Variants in MYO7B observed in about 807,000 individuals in gnomAD.
MYO7B encodes unconventional myosin-VIIb.
In MYO7B, 212 loss-of-function variants were observed where a neutral mutation model predicts 259.7. The ratio of observed to expected loss-of-function variants is 0.82; its 90% CI spans 0.73 to 0.91. The LOEUF (loss-of-function observed/expected upper bound fraction) is 0.91, where lower values mean the gene tolerates loss of function less well. Among genes scored for constraint, MYO7B ranks in the 40% least tolerant of loss-of-function variants. The probability of loss-of-function intolerance (pLI) is 0.00; values close to 1 mark genes in which losing one functional copy is unlikely to be tolerated. For missense variants in MYO7B, 2,732 were observed against 2,813.5 expected (o/e 0.97, Z 0.66); for synonymous variants, 1,197 against 1,166.4 (o/e 1.03, Z -0.54).
intron 1 of MYO7B, among the ~76,000 whole-genome samples, chr2:127,551,184 C>A (rs1167772062): frequency 6.6e-6 from 1 of 152,238 alleles, no homozygotes. Context: ...CCAGGCATCT[C>A]TCCTTGGCTT....
chr2:127,612,475 G>T lies in MYO7B; in HGVS notation c.3271-1G>T, dbSNP rs539395069. 2 of 1,552,888 alleles carry T rather than the reference G, an allele frequency of 1.3e-6. No homozygotes were observed. Among genetic ancestry groups the T allele is most frequent in the African/African-American group, 2.7e-5 (2 of 73,220 alleles). On this transcript the variant is annotated splice_acceptor_variant, in intron 25 of 47. Transcript: ENST00000409816. LOFTEE classifies it high-confidence loss of function. ...CCTGATGGCTGCCTTTGGGTTTCAA[G>T]GTGGCCAGCCAGCTGAACATTGGAG...
chr2:127,554,118 A>C lies in MYO7B; in HGVS notation c.-23-5582A>C, dbSNP rs564602371. ...AGACGGAGTTTCATTCTTGTTGCCC[A>C]GGCTGGAGTGCAATGGTGCAATCTC... On this transcript the variant is annotated intron_variant, in intron 1 of 47. Coordinates refer to ENST00000409816, the MANE Select transcript of MYO7B (RefSeq NM_001393586.1). Among the ~76,000 whole-genome samples the C allele has an allele frequency of 2.2e-4, 33 of 152,268 alleles. No individual in the cohort carries two copies. The East Asian group carries it at 6.2e-3, about 28-fold the overall frequency.
chr2:127,624,933 CA>C (rs1681031547), intron 30 of MYO7B, among the ~76,000 whole-genome samples: 1 of 152,190 alleles, frequency 6.6e-6, no homozygotes, highest in African/African-American at 2.4e-5. Flanking sequence ...GAGGCATGGG[CA>C]GGGGGTGGCA....
Position 127,584,096 on chromosome 2 carries a change from C to G in MYO7B, c.1344-26C>G, listed in dbSNP as rs756975809. On this transcript the variant is annotated intron_variant, in intron 12 of 47. Transcript: ENST00000409816. The surrounding 1 kb of genome is among the most constrained non-coding windows in gnomAD (Gnocchi z 5.8). ...GGGACTCAGCTGGCCCCACTCCACC[C>G]CTGGGCAGTGACCTTGCCTCCACAG... The G allele has an allele frequency of 5.9e-5, 95 of 1,599,354 alleles. No homozygotes were observed. The Middle Eastern group carries it at 1.5e-3, about 25-fold the overall frequency.
chr2:127,636,104 C>T lies in MYO7B; in HGVS notation c.6007-104C>T, dbSNP rs1681787187. ...CTGTCCCATGCTGCATTCCTCCCCT[C>T]CCCTCCCCACCGTACTAGCCCTGGG... is the stretch of plus-strand genomic sequence containing the variant. On this transcript the variant is annotated intron_variant, in intron 44 of 47. Coordinates refer to ENST00000409816, the MANE Select transcript of MYO7B (RefSeq NM_001393586.1). The surrounding 1 kb of genome is among the most constrained non-coding windows in gnomAD (Gnocchi z 4.5). 3.6e-6 allele frequency: 4 copies of T among 1,123,368 alleles called. No homozygotes were observed. The highest frequency in any genetic ancestry group is 3.9e-6 in the Non-Finnish European group (3 of 771,638). The allele number at this position is 1,123,368 out of a possible 1,614,324, so 69.6% of individuals were successfully genotyped here.
rs1573643370 is a variant in MYO7B, at chr2:127,576,775, A to C, written c.849+67A>C. On this transcript the variant is annotated intron_variant, in intron 8 of 47. Transcript: ENST00000409816. The surrounding 1 kb of genome is among the most constrained non-coding windows in gnomAD (Gnocchi z 4.9). ...GAGGAAAAAGAGCTTGTGCCGCTCC[A>C]CCCTCCGCGACAGCTGCAGAGAAGC... 1 of 1,148,028 alleles carries C rather than the reference A, an allele frequency of 8.7e-7. No homozygotes were observed. The highest frequency in any genetic ancestry group is 2.5e-5 in the East Asian group (1 of 39,930). The allele number at this position is 1,148,028 out of a possible 1,614,324, so 71.1% of individuals were successfully genotyped here. A position where few individuals can be genotyped will look rare whatever the true frequency, so the allele number is the denominator to read the frequency against.
intron 19 of MYO7B, among the ~76,000 whole-genome samples, chr2:127,604,720 A>G (rs1331719296): frequency 3.9e-5 from 6 of 152,176 alleles, no homozygotes; most frequent in Non-Finnish European, 8.8e-5. Flanking sequence ...GCCTAATTTT[A>G]GTATCGCTGT....
In MYO7B at chr2:127,576,042, T is replaced by C. The variant is rs1443325672; in HGVS notation, c.736-553T>C. Among the ~76,000 whole-genome samples the C allele has an allele frequency of 5.9e-5, 9 of 152,102 alleles. No homozygotes were observed. The highest frequency in any genetic ancestry group is 5.9e-4 in the Admixed American group (9 of 15,262). On this transcript the variant is annotated intron_variant, in intron 7 of 47. Coordinates refer to ENST00000409816, the MANE Select transcript of MYO7B (RefSeq NM_001393586.1). This position sits in a 1 kb window ranked among gnomAD's most constrained non-coding sequence, Gnocchi z 4.9. ...GGCAAAACCCCATCTCTACAAAAAA[T>C]ACAAAACTTAGCCGGACGTGGTGGT...
rs1407392182 is a variant in MYO7B, at chr2:127,629,642, C to T, written c.4625-3C>T. 3 of 1,611,306 alleles carry T rather than the reference C, an allele frequency of 1.9e-6. No homozygotes were observed. Among genetic ancestry groups the T allele is most frequent in the African/African-American group, 1.3e-5 (1 of 74,874 alleles). ...TCAGCAAATAGCCTCCCTGCCCTTA[C>T]AGATGACACCACCCTCCTGGCCTTC... On this transcript the variant is annotated splice_polypyrimidine_tract_variant and splice_region_variant and intron_variant, in intron 34 of 47. Transcript: ENST00000409816.
Position 127,627,497 on chromosome 2 carries a change from T to TTCATGGGCAGTACG in MYO7B, c.4460+187_4460+188insTCATGGGCAGTACG. 1 of 829,690 alleles carries TTCATGGGCAGTACG rather than the reference T, an allele frequency of 1.2e-6. No individual in the cohort carries two copies. The highest frequency in any genetic ancestry group is 2.0e-6 in the Non-Finnish European group (1 of 506,128). 51.4% of individuals were successfully genotyped at this position (829,690 alleles called of 1,614,324 possible). A position where few individuals can be genotyped will look rare whatever the true frequency, so the allele number is the denominator to read the frequency against. On this transcript the variant is annotated intron_variant, in intron 33 of 47. Transcript: ENST00000409816. This position sits in a 1 kb window ranked among gnomAD's most constrained non-coding sequence, Gnocchi z 5.6. Reference sequence around the variant, plus strand: ...CCCACCCTCCTGCACCAGGCCGTACTGCCCATGAAGTACTCCATTGGGGCA... The same window carrying TTCATGGGCAGTACG: ...CCCACCCTCCTGCACCAGGCCGTACTTCATGGGCAGTACGGCCCATGAAGTACTCCATTGGGGCA...
chr2:127,608,940 G>A (rs1013710972), intron 22 of MYO7B, 62 bp downstream of exon 22: 31 of 1,545,572 alleles, frequency 2.0e-5, no homozygotes, highest in Admixed American at 3.8e-5. Flanking sequence ...TGCCCAGTCC[G>A]TGAACTCAGT....
At chr2:127,605,322 C>A (rs1680121740) in intron 19 of MYO7B, among the ~76,000 whole-genome samples, 1 of 152,206 alleles carries the variant, frequency 6.6e-6, no homozygotes, top group Non-Finnish European at 1.5e-5. Flanking sequence ...GTTGGCTGGA[C>A]ACAGTGGCTC....
At chr2:127,595,852 T>A (rs903013090) in intron 18 of MYO7B, among the ~76,000 whole-genome samples, 5 of 152,240 alleles carry the variant, frequency 3.3e-5, no homozygotes, top group African/African-American at 1.2e-4. Flanking sequence ...TTTTCCGTTC[T>A]TTTGCATTTG....
intron 2 of MYO7B, among the ~76,000 whole-genome samples, chr2:127,562,348 G>A (rs1243741306): frequency 6.6e-6 from 1 of 152,052 alleles, no homozygotes; most frequent in East Asian, 1.9e-4. Context: ...CAAAGCTGGA[G>A]TGCAGTGGCA....
Position 127,571,584 on chromosome 2 carries a change from G to A in MYO7B, c.592+1674G>A, listed in dbSNP as rs548819901. ...CAACCTCTGCCTGTTAGGTTCAAGC[G>A]ATTCTCCTGCCTCAGCCTCCCGAGT... On this transcript the variant is annotated intron_variant, in intron 6 of 47. Transcript: ENST00000409816. 2.2e-4 allele frequency among the ~76,000 whole-genome samples: 33 copies of A among 151,616 alleles called. No individual in the cohort carries two copies. In the South Asian group the frequency reaches 3.6e-3, roughly 16 times the overall value.
intron 1 of MYO7B, among the ~76,000 whole-genome samples, chr2:127,547,766 G>A (rs535963127): frequency 1.3e-5 from 2 of 152,286 alleles, no homozygotes; most frequent in African/African-American, 2.4e-5. Flanking sequence ...AGGAAGGAGA[G>A]TGCCTCAAGT....
At chr2:127,563,568 C>T (rs1436216021) in intron 2 of MYO7B, among the ~76,000 whole-genome samples, 3 of 152,196 alleles carry the variant, frequency 2.0e-5, no homozygotes, top group Non-Finnish European at 2.9e-5. Context: ...AGGCAAGCTC[C>T]GCCTGCCACC....
intron 30 of MYO7B, 138 bp from the exon 31 acceptor site, chr2:127,625,229 AG>A (rs34807967): frequency 3.1e-6 from 3 of 980,344 alleles, no homozygotes; most frequent in African/African-American, 3.4e-5. Context: ...GCATGCAGGG[AG>A]GGGGAAGGTC....
Position 127,615,280 on chromosome 2 carries a change from A to G in MYO7B, c.3398+2677A>G, listed in dbSNP as rs1248512888. 6.6e-6 allele frequency among the ~76,000 whole-genome samples: 1 copy of G among 152,142 alleles called. No individual in the cohort carries two copies. Among genetic ancestry groups the G allele is most frequent in the Non-Finnish European group, 1.5e-5 (1 of 68,030 alleles). Reference sequence around the variant, plus strand: ...GACGGGTCACCCGTGACAGACTGCCATGGTTACTACTTGAGACCATTGCTA... The same window carrying G: ...GACGGGTCACCCGTGACAGACTGCCGTGGTTACTACTTGAGACCATTGCTA... On this transcript the variant is annotated intron_variant, in intron 26 of 47. Transcript: ENST00000409816. This position sits in a 1 kb window ranked among gnomAD's most constrained non-coding sequence, Gnocchi z 4.4.
Sources: allele counts gnomAD v4.1 joint callset (sites outside exome capture counted in the v4.1 genomes callset), GRCh38; gene constraint gnomAD v4.1.1; non-coding constraint Gnocchi (gnomAD v3.1); transcripts MANE v1.5; gene names NCBI Gene and HGNC (gene_info 2026-07-23, HGNC 2026-07-21).